Variants in CDH23 observed in about 807,000 individuals in gnomAD.
The protein encoded by CDH23 is cadherin related 23, also known as cadherin-23.
Under a neutral mutation model 317.1 loss-of-function variants are expected in CDH23, and 189 were observed. That is an observed-to-expected ratio of 0.60 (90% CI 0.53 to 0.67). The LOEUF (loss-of-function observed/expected upper bound fraction) is 0.67. CDH23 is among the 30% of genes least tolerant of loss of function. The pLI is 0.00. For missense variants in CDH23, 4,401 were observed against 4,592.4 expected, an observed-to-expected ratio of 0.96 and a Z score of 1.20; for synonymous variants, 1,839 against 1,876.8, an observed-to-expected ratio of 0.98 and a Z score of 0.52.
intron 38 of CDH23, chr10:71,773,598 G>C: frequency 1.7e-6 from 1 of 600,050 alleles, no homozygotes. Flanking sequence ...AGCGCCCCCG[G>C]GGGGCCGTGT....
intron 3 of CDH23, among the ~76,000 whole-genome samples, chr10:71,480,003 C>T (rs532984781): frequency 3.9e-5 from 6 of 152,350 alleles, no homozygotes; most frequent in African/African-American, 1.4e-4. Flanking sequence ...TCCAGCGATC[C>T]ACCTGCTTCA....
Position 71,724,035 on chromosome 10 carries a change from T to C in CDH23, c.3370-10T>C, listed in dbSNP as rs1212458413. The C allele has an allele frequency of 6.4e-7, 1 of 1,555,974 alleles. No homozygotes were observed. Among genetic ancestry groups the C allele is most frequent in the Admixed American group, 1.9e-5 (1 of 51,460 alleles). On this transcript the variant is annotated splice_polypyrimidine_tract_variant and intron_variant, in intron 28 of 69. Transcript: ENST00000224721. ...ATTCAAGAAGTAACTCGTGTCTCATTCTTCCTCAGCTGAAAGCCACGGACG... is the reference window on the plus strand; with the variant it reads ...ATTCAAGAAGTAACTCGTGTCTCATCCTTCCTCAGCTGAAAGCCACGGACG...
chr10:71,788,789 T>G (rs1841166818), intron 44 of CDH23, 151 bp from the exon 45 acceptor site: 1 of 611,632 alleles, frequency 1.6e-6, no homozygotes, highest in East Asian at 2.8e-5. Flanking sequence ...CTTGTATGTC[T>G]TCTTTTGAAA....
At chr10:71,550,773 T>G (rs965316079) in intron 6 of CDH23, among the ~76,000 whole-genome samples, 1 of 152,030 alleles carries the variant, frequency 6.6e-6, no homozygotes, top group Non-Finnish European at 1.5e-5. Context: ...GATTTGCAGG[T>G]GTGGGGGCAG....
At chr10:71,603,759 A>T (rs2132482975) in intron 9 of CDH23, among the ~76,000 whole-genome samples, 1 of 152,276 alleles carries the variant, frequency 6.6e-6, no homozygotes, top group South Asian at 2.1e-4. Context: ...GACCCAAAAG[A>T]CCCAGGTTCT....
chr10:71,701,926 C>A, intron 22 of CDH23, 96 bp from the exon 23 acceptor site: 1 of 1,351,908 alleles, frequency 7.4e-7, no homozygotes, highest in Non-Finnish European at 1.0e-6. Context: ...ATGTCCCCTC[C>A]CCAGGACCAA....
In CDH23 at chr10:71,784,274, TG is replaced by T; in HGVS notation, c.5369-11del. 6.2e-7 allele frequency: 1 copy of T among 1,611,408 alleles called. No individual in the cohort carries two copies. The highest frequency in any genetic ancestry group is 2.2e-5 in the East Asian group (1 of 44,802). Reference sequence around the variant, plus strand: ...ATGCCCGACTAACTTGGGCCTCTCCTGGTGACACCCAGGGGAGTTTGTGATC... The same window carrying T: ...ATGCCCGACTAACTTGGGCCTCTCCTGTGACACCCAGGGGAGTTTGTGATC... On this transcript the variant is annotated splice_polypyrimidine_tract_variant and intron_variant, in intron 41 of 69. Coordinates refer to ENST00000224721, the MANE Select transcript of CDH23 (RefSeq NM_022124.6).
intron 14 of CDH23, among the ~76,000 whole-genome samples, chr10:71,648,551 G>T (rs1863011458): frequency 6.6e-6 from 1 of 152,210 alleles, no homozygotes; most frequent in South Asian, 2.1e-4. Context: ...TCCTTGGAAA[G>T]GGATGGGGAA....
At chr10:71,424,283 G>T (rs777647282) in intron 1 of CDH23, among the ~76,000 whole-genome samples, 6 of 152,218 alleles carry the variant, frequency 3.9e-5, no homozygotes, top group Admixed American at 1.3e-4. Context: ...GTGGGACCTG[G>T]GTTTCCCACT....
chr10:71,572,812 G>A (rs545635106), intron 8 of CDH23, among the ~76,000 whole-genome samples: 5 of 152,256 alleles, frequency 3.3e-5, no homozygotes, highest in African/African-American at 7.2e-5. Flanking sequence ...ACCTATATAT[G>A]TGGGTTACTT....
At chr10:71,426,349 G>A (rs1045923206) in intron 1 of CDH23, among the ~76,000 whole-genome samples, 1 of 152,206 alleles carries the variant, frequency 6.6e-6, no homozygotes, top group Non-Finnish European at 1.5e-5. Context: ...TGGGGGACAG[G>A]CCCAGGACCT....
chr10:71,740,322 C>T (rs1022811724), intron 36 of CDH23, among the ~76,000 whole-genome samples: 1 of 152,230 alleles, frequency 6.6e-6, no homozygotes, highest in African/African-American at 2.4e-5. Context: ...CTTATGACTG[C>T]ATCAAGGCTC....
At chr10:71,428,556 G>A (rs1564573845) in intron 1 of CDH23, among the ~76,000 whole-genome samples, 1 of 151,580 alleles carries the variant, frequency 6.6e-6, no homozygotes, top group South Asian at 2.1e-4. Context: ...GGTGAGCATT[G>A]TTTCATGGGC....
intron 1 of CDH23, among the ~76,000 whole-genome samples, chr10:71,433,198 C>T (rs1564576889): frequency 6.6e-6 from 1 of 152,210 alleles, no homozygotes. Flanking sequence ...CACTCCCCTG[C>T]ATACATTCAC....
intron 9 of CDH23, among the ~76,000 whole-genome samples, chr10:71,587,263 G>A (rs1471140703): frequency 1.3e-5 from 2 of 152,220 alleles, no homozygotes; most frequent in African/African-American, 4.8e-5. Flanking sequence ...GAGAAGCCAA[G>A]GGATTCATGT....
chr10:71,754,809 A>AAGCTCTGAGATTGAGTCCT (rs1018820855), intron 38 of CDH23, among the ~76,000 whole-genome samples: 1 of 152,162 alleles, frequency 6.6e-6, no homozygotes, highest in African/African-American at 2.4e-5. Flanking sequence ...CATGCGTTGA[A>AAGCTCTGAGATTGAGTCCT]AGCTCTGAGA....
intron 18 of CDH23, among the ~76,000 whole-genome samples, chr10:71,685,743 A>G (rs1192207432): frequency 6.6e-6 from 1 of 152,216 alleles, no homozygotes; most frequent in Non-Finnish European, 1.5e-5. Context: ...CACCTTGGCT[A>G]TGAGTGAACA....
chr10:71,600,587 G>T (rs1427326114), intron 9 of CDH23, among the ~76,000 whole-genome samples: 3 of 147,246 alleles, frequency 2.0e-5, no homozygotes, highest in Admixed American at 7.0e-5. Flanking sequence ...CACTATCTCA[G>T]CTCACTGCAA....
intron 6 of CDH23, among the ~76,000 whole-genome samples, chr10:71,561,786 G>T (rs1333041159): frequency 3.3e-5 from 5 of 152,086 alleles, no homozygotes; most frequent in African/African-American, 1.2e-4. Flanking sequence ...GTGTACATTT[G>T]GGGAGACTTC....
Sources: allele counts gnomAD v4.1 joint callset (sites outside exome capture counted in the v4.1 genomes callset), GRCh38; gene constraint gnomAD v4.1.1; transcripts MANE v1.5; gene names NCBI Gene and HGNC (gene_info 2026-07-23, HGNC 2026-07-21).